Variants in LMNTD1 observed in about 807,000 individuals in gnomAD.
LMNTD1 encodes lamin tail domain-containing protein 1.
LMNTD1 carries 35 observed loss-of-function variants against 50.9 expected under a neutral mutation model. The ratio of observed to expected loss-of-function variants is 0.69; its 90% CI spans 0.53 to 0.91. The LOEUF is 0.91. Among genes scored for constraint, LMNTD1 ranks in the 40% least tolerant of loss-of-function variants. The pLI is 0.00. For missense variants in LMNTD1, 470 were observed against 475.5 expected, an observed-to-expected ratio of 0.99 and a Z score of 0.11; for synonymous variants, 153 against 161.9, an observed-to-expected ratio of 0.94 and a Z score of 0.42.
intron 1 of LMNTD1, among the ~76,000 whole-genome samples, chr12:25,636,771 G>T (rs142519053): frequency 6.6e-6 from 1 of 151,540 alleles, no homozygotes; most frequent in African/African-American, 2.4e-5. Context: ...AGAAACTGTG[G>T]TATATATATA....
chr12:25,572,192 TTAGG>T (rs1474530699), intron 1 of LMNTD1, among the ~76,000 whole-genome samples: 1 of 152,198 alleles, frequency 6.6e-6, no homozygotes, highest in Non-Finnish European at 1.5e-5. Flanking sequence ...ATGACATAAA[TTAGG>T]TACTCAAAAA....
rs151325440 is a variant in LMNTD1 at position 25,548,882 on chromosome 12, T to C, written c.310+444A>G. On this transcript the variant is annotated intron_variant, in intron 3 of 9. Coordinates refer to ENST00000458174, the MANE Select transcript of LMNTD1 (RefSeq NM_001145728.2). Reference sequence around the variant, plus strand: ...TCTCCATTATTTTATACCTACTTTATGTTACTTCTTTGTCTCATCTACCTG... The same window carrying C: ...TCTCCATTATTTTATACCTACTTTACGTTACTTCTTTGTCTCATCTACCTG... 5.1e-3 allele frequency among the ~76,000 whole-genome samples: 775 copies of C among 152,176 alleles called. 5 individuals carry two copies. The highest frequency in any genetic ancestry group is 7.6e-3 in the Non-Finnish European group (516 of 67,922).
At chr12:25,618,494 T>G (rs1388650766) in intron 1 of LMNTD1, among the ~76,000 whole-genome samples, 1 of 152,184 alleles carries the variant, frequency 6.6e-6, no homozygotes, top group Non-Finnish European at 1.5e-5. Flanking sequence ...CTCCTCAAAA[T>G]GTAGATTGCT....
chr12:25,573,289 C>A (rs1944869496), intron 1 of LMNTD1, among the ~76,000 whole-genome samples: 1 of 152,032 alleles, frequency 6.6e-6, no homozygotes, highest in East Asian at 1.9e-4. Context: ...TTCCAATTGC[C>A]TACTACAAGT....
chr12:25,601,693 G>A (rs1049249413), intron 1 of LMNTD1, among the ~76,000 whole-genome samples: 4 of 151,808 alleles, frequency 2.6e-5, no homozygotes, highest in Non-Finnish European at 4.4e-5. Flanking sequence ...CAAGATACAA[G>A]TTTATAAAGA....
chr12:25,625,389 G>C (rs1483557188), intron 1 of LMNTD1, among the ~76,000 whole-genome samples: 2 of 152,000 alleles, frequency 1.3e-5, no homozygotes, highest in African/African-American at 4.8e-5. Flanking sequence ...AGAACAGAAC[G>C]AGCTCTGAAA....
At chr12:25,632,395 A>G (rs969954130) in intron 1 of LMNTD1, among the ~76,000 whole-genome samples, 1 of 152,234 alleles carries the variant, frequency 6.6e-6, no homozygotes, top group African/African-American at 2.4e-5. Context: ...GCTGTGAAAC[A>G]GAAGCACCAG....
chr12:25,644,461 A>G (rs1947022068), intron 1 of LMNTD1, among the ~76,000 whole-genome samples: 1 of 152,108 alleles, frequency 6.6e-6, no homozygotes, highest in South Asian at 2.1e-4. Context: ...TGGGCAGCAT[A>G]ATAAGACCTG....
At chr12:25,567,173 G>T (rs1944588952) in intron 1 of LMNTD1, among the ~76,000 whole-genome samples, 1 of 152,220 alleles carries the variant, frequency 6.6e-6, no homozygotes, top group African/African-American at 2.4e-5. Flanking sequence ...TTCATGCATT[G>T]TTAGGAAACT....
In LMNTD1 at chr12:25,534,862, G is replaced by A. The variant is rs186025208; in HGVS notation, c.492-7907C>T. 5.0e-3 allele frequency among the ~76,000 whole-genome samples: 763 copies of A among 152,218 alleles called. 10 individuals carry two copies. The highest frequency in any genetic ancestry group is 0.017 in the African/African-American group (713 of 41,536). On this transcript the variant is annotated intron_variant, in intron 4 of 9. Coordinates refer to ENST00000458174, the MANE Select transcript of LMNTD1 (RefSeq NM_001145728.2). ...TGTTTCCACCTAACAAACTGTAAAA[G>A]CTAGTCCTTAAAGCCTCAAACTATT... is the stretch of plus-strand genomic sequence containing the variant.
At chr12:25,539,418 T>C (rs957591591) in intron 4 of LMNTD1, among the ~76,000 whole-genome samples, 5 of 151,236 alleles carry the variant, frequency 3.3e-5, no homozygotes, top group Non-Finnish European at 7.4e-5. Flanking sequence ...GGATTAAGAA[T>C]CTCACTCAAA....
rs781742784 is a variant in LMNTD1, at chr12:25,519,586, T to TAA, written c.1016+271_1016+272insTT. Among the ~76,000 whole-genome samples the TAA allele has an allele frequency of 3.4e-3, 256 of 74,894 alleles. 39 individuals carry two copies. Among genetic ancestry groups the TAA allele is most frequent in the Admixed American group, 4.6e-3 (30 of 6,490 alleles). 49.1% of individuals were successfully genotyped at this position (74,894 alleles called of 152,430 possible). A position where few individuals can be genotyped will look rare whatever the true frequency, so the allele number is the denominator to read the frequency against. On this transcript the variant is annotated intron_variant, in intron 7 of 9. Transcript: ENST00000458174. ...CTGGGTGACAGAGCGAGACTCTGTC[T>TAA]CAAAAAAAAAAAAAAAAAAAAAGTG...
intron 9 of LMNTD1, among the ~76,000 whole-genome samples, chr12:25,490,272 C>A (rs113049897): frequency 6.6e-6 from 1 of 152,134 alleles, no homozygotes; most frequent in East Asian, 1.9e-4. Context: ...AAAGAACTAG[C>A]AAAACTCCAC....
chr12:25,526,082 A>C lies in LMNTD1; in HGVS notation c.798+17T>G. 1 of 1,545,088 alleles carries C rather than the reference A, an allele frequency of 6.5e-7. No individual in the cohort carries two copies. The highest frequency in any genetic ancestry group is 8.7e-7 in the Non-Finnish European group (1 of 1,152,312). ...TATTTAAAAAAAAAAAACGATTGTT[A>C]AGAACCAGAAACTAACTTGACCGTT... On this transcript the variant is annotated intron_variant, in intron 6 of 9. Transcript: ENST00000458174.
chr12:25,568,377 A>C (rs545214970), intron 1 of LMNTD1, among the ~76,000 whole-genome samples: 1 of 152,386 alleles, frequency 6.6e-6, no homozygotes, highest in South Asian at 2.1e-4. Context: ...TTTTAAAAAG[A>C]AGCACAGCCT....
intron 4 of LMNTD1, among the ~76,000 whole-genome samples, chr12:25,532,747 A>G (rs1424860056): frequency 2.0e-5 from 3 of 152,034 alleles, no homozygotes; most frequent in South Asian, 4.1e-4. Context: ...TTTCTTTTGC[A>G]TTATCATTAT....
At chr12:25,607,447 T>C (rs1565516344) in intron 1 of LMNTD1, among the ~76,000 whole-genome samples, 1 of 152,244 alleles carries the variant, frequency 6.6e-6, no homozygotes, top group African/African-American at 2.4e-5. Flanking sequence ...TTTAGATCTT[T>C]CCTGCTTTCT....
chr12:25,491,107 T>G (rs1938867645), intron 9 of LMNTD1, among the ~76,000 whole-genome samples: 1 of 152,246 alleles, frequency 6.6e-6, no homozygotes, highest in Non-Finnish European at 1.5e-5. Flanking sequence ...AAATGATAAC[T>G]AGTTAAAAGT....
intron 1 of LMNTD1, chr12:25,593,023 A>G (rs574434681): frequency 6.6e-6 from 1 of 152,082 alleles, no homozygotes; most frequent in East Asian, 1.9e-4. Flanking sequence ...AACTCCATTA[A>G]CCGGAGAATC....
Sources: gnomAD v4.1 joint callset for allele counts (sites outside exome capture counted in the v4.1 genomes callset) on GRCh38, gnomAD v4.1.1 for gene constraint, MANE v1.5 for transcripts, NCBI Gene and HGNC (gene_info 2026-07-23, HGNC 2026-07-21) for gene names.